GPR176: variants seen among roughly 807,000 people sequenced by gnomAD.
GPR176 encodes the protein G-protein coupled receptor 176.
GPR176 carries 26 observed loss-of-function variants against 35.4 expected under a neutral mutation model. The observed-to-expected ratio is 0.74, with a 90% CI of 0.54 to 1.02. GPR176 has a LOEUF of 1.02. Among genes scored for constraint, GPR176 ranks in the 50% least tolerant of loss-of-function variants. The pLI, the probability that GPR176 is intolerant of heterozygous loss-of-function variation, is 0.00. For missense variants in GPR176, 597 were observed against 665.3 expected (o/e 0.90, Z 1.13); for synonymous variants, 278 against 271.3 (o/e 1.02, Z -0.24).
At position 39,801,338 on chromosome 15, in the gene GPR176, T is replaced by C; in HGVS notation, c.1342A>G (p.Lys448Glu). ...CCAAAGCCAAACTGCAGGGAATACT[T>C]ATCAGGGAATGTTTCAGGTTCCACA... ...APVEPETFPD[K>E]YSLQFGFGPF... is the part of the protein sequence containing the mutation. The change falls in exon 3 of 3, where the codon AAG becomes GAG. Residue 448 changes from lysine (K) to glutamate (E), a missense_variant. Lys to Glu is a moderately conservative substitution (Grantham distance 56). Coordinates refer to ENST00000561100, the MANE Select transcript of GPR176 (RefSeq NM_007223.3). 2 of 1,614,092 alleles carry C rather than the reference T, an allele frequency of 1.2e-6. No homozygotes were observed. Among genetic ancestry groups the C allele is most frequent in the South Asian group, 2.2e-5 (2 of 91,088 alleles).
intron 1 of GPR176, among the ~76,000 whole-genome samples, chr15:39,879,532 C>G (rs1407352314): frequency 6.6e-6 from 1 of 152,198 alleles, no homozygotes; most frequent in Non-Finnish European, 1.5e-5. Flanking sequence ...CATGCCCATG[C>G]TGCTCAGAGC....
At chr15:39,891,256 T>C (rs572560798) in intron 1 of GPR176, among the ~76,000 whole-genome samples, 2 of 152,320 alleles carry the variant, frequency 1.3e-5, no homozygotes, top group South Asian at 2.1e-4. Context: ...ACAAAAAGTA[T>C]AATTTACAGT....
chr15:39,801,628 C>T lies in GPR176; in HGVS notation c.1052G>A (p.Gly351Glu). 1 of 1,614,154 alleles carries T rather than the reference C, an allele frequency of 6.2e-7. No individual in the cohort carries two copies. The highest frequency in any genetic ancestry group is 8.5e-7 in the Non-Finnish European group (1 of 1,179,994). ...RYSRRNVVST[G>E]SGMAEASLEP... ...CAGGCTGGCCTCAGCCATGCCACTC[C>T]CTGTACTGACCACATTACGGCGACT... The change falls in exon 3 of 3, where the codon GGG (glycine) becomes GAG (glutamate). Residue 351 changes from glycine (G) to glutamate (E), a missense_variant. Physicochemically the swap from Gly to Glu is moderately conservative, Grantham distance 98. Coordinates refer to ENST00000561100, the MANE Select transcript of GPR176 (RefSeq NM_007223.3).
At chr15:39,847,248 A>G (rs2030495046) in intron 1 of GPR176, among the ~76,000 whole-genome samples, 1 of 151,320 alleles carries the variant, frequency 6.6e-6, no homozygotes, top group Admixed American at 6.6e-5. Context: ...AACAAAAAAT[A>G]AAATAGCAGA....
At position 39,807,242 on chromosome 15, in the gene GPR176, T is replaced by C; in HGVS notation, c.189A>G (p.Leu63=). Reference sequence around the variant, plus strand: ...ACACGGTTGTGCGGCAAGTTGACCATAACACCATGAAGTTTCCTGGTCAGA... The same window carrying C: ...ACACGGTTGTGCGGCAAGTTGACCACAACACCATGAAGTTTCCTGGTCAGA... ...IGSLLGNFMV[L]WSTCRTTVFK... is the part of the protein sequence containing the mutation. The change falls in exon 2 of 3, where the codon TTA becomes TTG. Residue 63 remains leucine (L), a synonymous_variant. Coordinates refer to ENST00000561100, the MANE Select transcript of GPR176 (RefSeq NM_007223.3). 4 of 1,582,394 alleles carry C rather than the reference T, an allele frequency of 2.5e-6. No individual in the cohort carries two copies. The South Asian group carries it at 3.5e-5, about 14-fold the overall frequency.
intron 1 of GPR176, among the ~76,000 whole-genome samples, chr15:39,896,880 G>A (rs1156324057): frequency 1.3e-5 from 2 of 152,260 alleles, no homozygotes; most frequent in Non-Finnish European, 2.9e-5. Flanking sequence ...TATAAAGAGA[G>A]AGAGAGGAAT....
intron 1 of GPR176, among the ~76,000 whole-genome samples, chr15:39,861,690 T>C (rs1221153307): frequency 6.6e-6 from 1 of 152,202 alleles, no homozygotes; most frequent in African/African-American, 2.4e-5. Context: ...AAGAGTGACA[T>C]AAACAGTGTG....
chr15:39,909,914 G>A (rs2033531975), intron 1 of GPR176: 11 of 975,836 alleles, frequency 1.1e-5, no homozygotes, highest in South Asian at 4.7e-5. Context: ...TTTAAAGCCC[G>A]AACTCCCTTG....
At chr15:39,896,051 T>G (rs1338422764) in intron 1 of GPR176, among the ~76,000 whole-genome samples, 1 of 152,192 alleles carries the variant, frequency 6.6e-6, no homozygotes, top group Non-Finnish European at 1.5e-5. Flanking sequence ...TTCAGAATTT[T>G]TTATATTATT....
At chr15:39,877,140 A>T (rs2032279176) in intron 1 of GPR176, among the ~76,000 whole-genome samples, 1 of 152,152 alleles carries the variant, frequency 6.6e-6, no homozygotes, top group South Asian at 2.1e-4. Flanking sequence ...AAAAAAATCC[A>T]TGTTGGTCCT....
In GPR176 at chr15:39,801,314, C is replaced by T; in HGVS notation, c.1366G>A (p.Gly456Arg). The change falls in exon 3 of 3, where the codon GGG (glycine) becomes AGG (arginine). Residue 456 changes from glycine to arginine, a missense_variant. Physicochemically the swap from Gly to Arg is moderately radical, Grantham distance 125. Coordinates refer to ENST00000561100, the MANE Select transcript of GPR176 (RefSeq NM_007223.3). ...PDKYSLQFGF[G>R]PFELPPQWLS... ...CACTGAGGAGGCAACTCAAAAGGCC[C>T]AAAGCCAAACTGCAGGGAATACTTA... 3.1e-6 allele frequency: 5 copies of T among 1,614,150 alleles called. No homozygotes were observed. Among genetic ancestry groups the T allele is most frequent in the Non-Finnish European group, 3.4e-6 (4 of 1,179,998 alleles).
Position 39,813,841 on chromosome 15 carries a change from A to G in GPR176, c.173-6583T>C, listed in dbSNP as rs576803311. 2.6e-5 allele frequency among the ~76,000 whole-genome samples: 4 copies of G among 152,314 alleles called. No individual in the cohort carries two copies. In the South Asian group the frequency reaches 8.3e-4, roughly 32 times the overall value. ...ATTATTATACAATGCTGACATCAACATCCTTATATATATATATAATCTTTG... is the reference window on the plus strand; with the variant it reads ...ATTATTATACAATGCTGACATCAACGTCCTTATATATATATATAATCTTTG... On this transcript the variant is annotated intron_variant, in intron 1 of 2. Transcript: ENST00000561100.
At chr15:39,862,126 T>C (rs538967720) in intron 1 of GPR176, 3 of 152,302 alleles carry the variant, frequency 2.0e-5, no homozygotes, top group East Asian at 3.9e-4. Flanking sequence ...CTCTCAGTGT[T>C]TGGTTGTTTA....
At chr15:39,843,176 G>A (rs1046842044) in intron 1 of GPR176, among the ~76,000 whole-genome samples, 4 of 152,046 alleles carry the variant, frequency 2.6e-5, no homozygotes, top group African/African-American at 9.7e-5. Context: ...GGAAATAAGA[G>A]TGGCTGTCAT....
At chr15:39,847,524 A>G (rs1185105239) in intron 1 of GPR176, among the ~76,000 whole-genome samples, 3 of 152,042 alleles carry the variant, frequency 2.0e-5, no homozygotes, top group Non-Finnish European at 4.4e-5. Context: ...GGAGGGCCTC[A>G]CTTAAGGTCA....
intron 1 of GPR176, among the ~76,000 whole-genome samples, chr15:39,820,528 C>G (rs1381413086): frequency 1.3e-5 from 2 of 152,170 alleles, no homozygotes; most frequent in Non-Finnish European, 2.9e-5. Flanking sequence ...AACTTGATAA[C>G]TAAGACACTC....
intron 1 of GPR176, among the ~76,000 whole-genome samples, chr15:39,890,125 C>T (rs748252236): frequency 3.9e-5 from 6 of 152,004 alleles, no homozygotes; most frequent in Admixed American, 2.6e-4. Flanking sequence ...TTAGAGCCTA[C>T]GAAAATCACA....
intron 1 of GPR176, among the ~76,000 whole-genome samples, chr15:39,907,461 G>A (rs1186919648): frequency 6.6e-6 from 1 of 152,196 alleles, no homozygotes; most frequent in Non-Finnish European, 1.5e-5. Context: ...TGACAATCCT[G>A]AGAGCTGGCC....
intron 1 of GPR176, among the ~76,000 whole-genome samples, chr15:39,914,433 C>T (rs931377681): frequency 6.6e-6 from 1 of 151,744 alleles, no homozygotes; most frequent in Non-Finnish European, 1.5e-5. Flanking sequence ...CCTGCTTCAG[C>T]CTCCTGAATA....
Sources: gnomAD v4.1 joint callset for allele counts (sites outside exome capture counted in the v4.1 genomes callset) on GRCh38, gnomAD v4.1.1 for gene constraint, MANE v1.5 for transcripts, NCBI Gene and HGNC (gene_info 2026-07-23, HGNC 2026-07-21) for gene names.